Variants in CASR observed in about 807,000 individuals in gnomAD.
The protein encoded by CASR is extracellular calcium-sensing receptor.
A neutral mutation model predicts 69.1 loss-of-function variants in CASR; 23 were observed. The ratio of observed to expected loss-of-function variants is 0.33; its 90% CI spans 0.24 to 0.47. The LOEUF (loss-of-function observed/expected upper bound fraction) is 0.47, where lower values mean the gene tolerates loss of function less well. Among genes scored for constraint, CASR ranks in the 20% least tolerant of loss-of-function variants. The probability of loss-of-function intolerance (pLI) is 1.00; values close to 1 mark genes in which losing one functional copy is unlikely to be tolerated. For synonymous variants in CASR, 541 were observed against 544.7 expected, an observed-to-expected ratio of 0.99 and a Z score of 0.10; for missense variants, 924 against 1,356.1, an observed-to-expected ratio of 0.68 and a Z score of 5.00.
chr3:122,207,255 T>C lies in CASR; in HGVS notation c.-243+23443T>C, dbSNP rs79426072. On this transcript the variant is annotated intron_variant, in intron 1 of 6. Coordinates refer to ENST00000639785, the MANE Select transcript of CASR (RefSeq NM_000388.4). ...GACTTTAACACCTCATGCTCAGTAA[T>C]GGGCAGATCAGACAGAAAATCAACA... Among the ~76,000 whole-genome samples, 1,267 of 152,064 alleles carry C rather than the reference T, an allele frequency of 8.3e-3. 3 individuals carry two copies. The highest frequency in any genetic ancestry group is 0.013 in the Non-Finnish European group (875 of 67,912).
chr3:122,197,818 A>G (rs1210602570), intron 1 of CASR, among the ~76,000 whole-genome samples: 1 of 152,138 alleles, frequency 6.6e-6, no homozygotes, highest in Non-Finnish European at 1.5e-5. Flanking sequence ...TCTGCCTGCC[A>G]GCTTTGGCTT....
rs1327117560 is a variant in CASR, at chr3:122,290,747, A to G, written c.*5556A>G. 6.6e-6 allele frequency: 1 copy of G among 151,412 alleles called. No individual in the cohort carries two copies. The highest frequency in any genetic ancestry group is 2.4e-5 in the African/African-American group (1 of 41,182). The allele number at this position is 151,412 out of a possible 1,614,324, so 9.4% of individuals were successfully genotyped here. On this transcript the variant is annotated 3_prime_UTR_variant, in exon 7 of 7. Transcript: ENST00000639785. ...TTCTTTATTCTTTTTTTTTTATTAT[A>G]CTTTAAGTTTTAGGGTACATGTGCA...
In CASR at chr3:122,283,860, A is replaced by C. The variant is rs779019180; in HGVS notation, c.1906A>C (p.Lys636Gln). Residue 636 changes from lysine to glutamine, a missense_variant, in exon 7 of 7, where the codon AAG (lysine) becomes CAG (glutamine). Coordinates refer to ENST00000639785, the MANE Select transcript of CASR (RefSeq NM_000388.4). The part of the protein sequence containing the change: ...LTAFVLGVFI[K>Q]FRNTPIVKAT... ...AGCCTTTGTGCTGGGTGTGTTTATCAAGTTCCGCAACACACCCATTGTCAA... is the reference window on the plus strand; with the variant it reads ...AGCCTTTGTGCTGGGTGTGTTTATCCAGTTCCGCAACACACCCATTGTCAA... The C allele has an allele frequency of 1.9e-6, 3 of 1,613,734 alleles. No homozygotes were observed. In the African/African-American group the frequency reaches 4.0e-5, roughly 22 times the overall value.
chr3:122,238,995 T>C (rs551246587), intron 1 of CASR, among the ~76,000 whole-genome samples: 1 of 152,162 alleles, frequency 6.6e-6, no homozygotes. Flanking sequence ...ACTTACTACC[T>C]TCCCAGCTGG....
chr3:122,249,752 A>G (rs2074464174), intron 1 of CASR, among the ~76,000 whole-genome samples: 1 of 152,400 alleles, frequency 6.6e-6, no homozygotes, highest in Non-Finnish European at 1.5e-5. Flanking sequence ...TTTAAATGGA[A>G]TAAATGTATA....
intron 3 of CASR, among the ~76,000 whole-genome samples, chr3:122,258,243 A>G (rs572047737): frequency 6.6e-6 from 1 of 152,318 alleles, no homozygotes; most frequent in East Asian, 1.9e-4. Context: ...GCATCCTTAC[A>G]TCAAGTTTGA....
chr3:122,190,665 G>A (rs1281672317), intron 1 of CASR, among the ~76,000 whole-genome samples: 1 of 152,214 alleles, frequency 6.6e-6, no homozygotes. Context: ...ATCCATCATA[G>A]TGCCTGGTAC....
rs2074565277 is a variant in CASR, at chr3:122,257,276, G to T, written c.381G>T (p.Glu127Asp). Reference protein sequence around the residue: ...QNKIDSLNLDEFCNCSEHIPS... With the variant: ...QNKIDSLNLDDFCNCSEHIPS... ...AAATTGATTCTTTGAACCTTGATGAGTTCTGCAACTGCTCAGAGCACATTC... is the reference window on the plus strand; with the variant it reads ...AAATTGATTCTTTGAACCTTGATGATTTCTGCAACTGCTCAGAGCACATTC... Residue 127 changes from glutamate to aspartate, a missense_variant, in exon 3 of 7, where the codon GAG becomes GAT. Glu to Asp is a conservative substitution (Grantham distance 45). This residue lies in a region of CASR where 141 missense variants were observed against 283.0 expected (regional missense o/e 0.50). Coordinates refer to ENST00000639785, the MANE Select transcript of CASR (RefSeq NM_000388.4). 1 of 1,614,028 alleles carries T rather than the reference G, an allele frequency of 6.2e-7. No individual in the cohort carries two copies. Among genetic ancestry groups the T allele is most frequent in the African/African-American group, 1.3e-5 (1 of 74,918 alleles).
At chr3:122,260,072 C>T (rs1324464390) in intron 3 of CASR, among the ~76,000 whole-genome samples, 1 of 152,108 alleles carries the variant, frequency 6.6e-6, no homozygotes, top group African/African-American at 2.4e-5. Flanking sequence ...GGTCCCATAA[C>T]TTGGAACTTC....
chr3:122,232,568 G>A (rs2074288533), intron 1 of CASR, among the ~76,000 whole-genome samples: 1 of 152,242 alleles, frequency 6.6e-6, no homozygotes, highest in African/African-American at 2.4e-5. Context: ...GGTGCCAAGA[G>A]AGGGAGAGTG....
intron 1 of CASR, among the ~76,000 whole-genome samples, chr3:122,234,265 G>A (rs1205212809): frequency 6.6e-6 from 1 of 152,188 alleles, no homozygotes; most frequent in African/African-American, 2.4e-5. Context: ...TACCCTTGCA[G>A]CACAAAAGCA....
intron 1 of CASR, among the ~76,000 whole-genome samples, chr3:122,194,403 T>C (rs1293694802): frequency 9.2e-5 from 14 of 152,134 alleles, no homozygotes; most frequent in Admixed American, 9.2e-4. Context: ...TGGTGAGGAC[T>C]GATTGCCTCC....
chr3:122,217,198 C>T (rs183399656), intron 1 of CASR, among the ~76,000 whole-genome samples: 3 of 152,108 alleles, frequency 2.0e-5, no homozygotes, highest in East Asian at 1.9e-4. Context: ...CTCCATCTCC[C>T]GGGCTCAAGC....
chr3:122,209,452 C>G (rs1209438578), intron 1 of CASR, among the ~76,000 whole-genome samples: 2 of 152,156 alleles, frequency 1.3e-5, no homozygotes, highest in South Asian at 2.1e-4. Flanking sequence ...CTGGGGAAGC[C>G]TCACAATCAT....
chr3:122,235,740 A>T (rs2074323455), intron 1 of CASR, among the ~76,000 whole-genome samples: 1 of 152,174 alleles, frequency 6.6e-6, no homozygotes, highest in Non-Finnish European at 1.5e-5. Flanking sequence ...GACTGCGGTG[A>T]GCTATGATCA....
intron 2 of CASR, among the ~76,000 whole-genome samples, chr3:122,254,841 C>G (rs1466474480): frequency 6.6e-6 from 1 of 151,784 alleles, no homozygotes; most frequent in African/African-American, 2.4e-5. Flanking sequence ...TGAAAGAAAC[C>G]ACAGTAGTCA....
intron 5 of CASR, among the ~76,000 whole-genome samples, chr3:122,279,619 T>C (rs1324894041): frequency 1.3e-5 from 2 of 152,232 alleles, no homozygotes; most frequent in Non-Finnish European, 2.9e-5. Context: ...AGTTCTGCAA[T>C]GTCAGTAGAC....
intron 3 of CASR, chr3:122,257,630 C>CT (rs2074570645): frequency 1.1e-5 from 5 of 434,808 alleles, no homozygotes; most frequent in Admixed American, 3.9e-5. Context: ...AAAACTGTGT[C>CT]TTTTTTTAAA....
chr3:122,244,859 A>C (rs2074411687), intron 1 of CASR, among the ~76,000 whole-genome samples: 1 of 152,226 alleles, frequency 6.6e-6, no homozygotes, highest in Non-Finnish European at 1.5e-5. Flanking sequence ...CATAGTTTTC[A>C]AAATATATTT....
Sources: allele counts gnomAD v4.1 joint callset (sites outside exome capture counted in the v4.1 genomes callset), GRCh38; gene constraint gnomAD v4.1.1; regional missense constraint gnomAD v4.1.1; transcripts MANE v1.5; gene names NCBI Gene and HGNC (gene_info 2026-07-23, HGNC 2026-07-21).